Variants in RBFOX1 observed in about 807,000 individuals in gnomAD.
The protein encoded by RBFOX1 is RNA binding protein fox-1 homolog 1.
RBFOX1 carries 8 observed loss-of-function variants against 57.7 expected under a neutral mutation model. That is an observed-to-expected ratio of 0.14 (90% CI 0.08 to 0.25). The LOEUF is 0.25. RBFOX1 is among the 10% of genes least tolerant of loss of function. The pLI is 1.00. For synonymous variants in RBFOX1, 326 were observed against 222.4 expected (o/e 1.47, Z -4.15); for missense variants, 611 against 548.5 (o/e 1.11, Z -1.14).
chr16:5,543,630 G>A (rs1319139081), intron 2 of RBFOX1, among the ~76,000 whole-genome samples: 1 of 152,150 alleles, frequency 6.6e-6, no homozygotes, highest in African/African-American at 2.4e-5. Context: ...TTTACAGATA[G>A]TGGCTTAAAA....
chr16:7,357,041 A>G (rs905710712), intron 4 of RBFOX1, among the ~76,000 whole-genome samples: 2 of 152,298 alleles, frequency 1.3e-5, no homozygotes, highest in Middle Eastern at 3.4e-3. Flanking sequence ...TCAGGAATCC[A>G]GGGATCTATC....
At chr16:7,200,294 G>C (rs1304061511) in intron 4 of RBFOX1, among the ~76,000 whole-genome samples, 1 of 152,182 alleles carries the variant, frequency 6.6e-6, no homozygotes, top group Non-Finnish European at 1.5e-5. Flanking sequence ...GAGTGGAGTG[G>C]AGAAGTGAAT....
At chr16:7,321,202 T>C (rs770390875) in intron 4 of RBFOX1, among the ~76,000 whole-genome samples, 11 of 152,086 alleles carry the variant, frequency 7.2e-5, no homozygotes, top group Admixed American at 7.2e-4. Flanking sequence ...TGGAGTGCAG[T>C]GGTGCGATCT....
chr16:7,125,288 T>G (rs559434283), intron 4 of RBFOX1, among the ~76,000 whole-genome samples: 1 of 152,196 alleles, frequency 6.6e-6, no homozygotes, highest in South Asian at 2.1e-4. Context: ...GCATCCTCAT[T>G]TGTGCAGTGG....
chr16:7,588,316 G>T (rs2094239845), intron 7 of RBFOX1, among the ~76,000 whole-genome samples: 2 of 152,244 alleles, frequency 1.3e-5, no homozygotes, highest in Admixed American at 6.5e-5. Context: ...GAACTGATTA[G>T]AAATGCAAGT....
At chr16:7,217,265 C>T (rs986669145) in intron 4 of RBFOX1, among the ~76,000 whole-genome samples, 4 of 122,690 alleles carry the variant, frequency 3.3e-5, no homozygotes, top group South Asian at 2.9e-4. Flanking sequence ...CCACAGCTGG[C>T]TAATTATCTT....
At chr16:6,863,560 A>G (rs2059375453) in intron 3 of RBFOX1, among the ~76,000 whole-genome samples, 1 of 151,824 alleles carries the variant, frequency 6.6e-6, no homozygotes, top group African/African-American at 2.4e-5. Flanking sequence ...AGATAAATGT[A>G]AATAACATTA....
intron 4 of RBFOX1, among the ~76,000 whole-genome samples, chr16:5,905,803 A>C (rs1039787854): frequency 6.6e-6 from 1 of 152,198 alleles, no homozygotes; most frequent in Non-Finnish European, 1.5e-5. Context: ...CTGAAGGGTG[A>C]GAAAACTGAT....
At chr16:6,212,632 G>C (rs536044756) in intron 1 of RBFOX1, among the ~76,000 whole-genome samples, 2 of 152,090 alleles carry the variant, frequency 1.3e-5, no homozygotes, top group African/African-American at 4.8e-5. Flanking sequence ...GCGTGAACCC[G>C]GGAGGTGGAG....
intron 3 of RBFOX1, among the ~76,000 whole-genome samples, chr16:6,824,861 T>A (rs917111346): frequency 1.3e-5 from 2 of 151,922 alleles, no homozygotes; most frequent in African/African-American, 4.8e-5. Flanking sequence ...TATTAACATT[T>A]CAAAAGTGAA....
Position 7,027,115 on chromosome 16 carries a change from C to T in RBFOX1, c.-15-24942C>T, listed in dbSNP as rs79285446. On this transcript the variant is annotated intron_variant, in intron 3 of 15. Transcript: ENST00000550418. Reference sequence around the variant, plus strand: ...CTTTCCTGAACCCGTCTCTCCTAAACGCTTTCTATGCCTTAGAGTGCTAAG... The same window carrying T: ...CTTTCCTGAACCCGTCTCTCCTAAATGCTTTCTATGCCTTAGAGTGCTAAG... 8.6e-3 allele frequency among the ~76,000 whole-genome samples: 1,312 copies of T among 152,284 alleles called. 24 individuals are homozygous for T. The highest frequency in any genetic ancestry group is 0.03 in the African/African-American group (1,240 of 41,580).
chr16:5,785,233 T>C (rs904210916), intron 3 of RBFOX1, among the ~76,000 whole-genome samples: 3 of 152,172 alleles, frequency 2.0e-5, no homozygotes, highest in Non-Finnish European at 4.4e-5. Context: ...ACTACCTCAG[T>C]GGGATTGCAG....
At chr16:7,086,596 G>C (rs1007968468) in intron 4 of RBFOX1, among the ~76,000 whole-genome samples, 1 of 152,106 alleles carries the variant, frequency 6.6e-6, no homozygotes, top group Non-Finnish European at 1.5e-5. Context: ...ATACTTTCAG[G>C]AAATCTTAGC....
chr16:5,773,565 A>C (rs1255132464), intron 3 of RBFOX1, among the ~76,000 whole-genome samples: 2 of 152,164 alleles, frequency 1.3e-5, no homozygotes, highest in African/African-American at 4.8e-5. Context: ...GGATGTTTTC[A>C]GTTTATTTTT....
rs1039047384 is a variant in RBFOX1, at chr16:5,745,765, C to A, written c.319-121538C>A. On this transcript the variant is annotated intron_variant, in intron 3 of 19. Transcript: ENST00000641259. ...CTTTTGAGAAGTGTCTGTTCATATC[C>A]TTCACCCACTTTTTGATGGGGTTGT... Among the ~76,000 whole-genome samples, 32 of 152,156 alleles carry A rather than the reference C, an allele frequency of 2.1e-4. 1 individual carries two copies. Among genetic ancestry groups the A allele is most frequent in the Non-Finnish European group, 1.6e-4 (11 of 68,040 alleles).
intron 11 of RBFOX1, among the ~76,000 whole-genome samples, chr16:7,642,684 T>C (rs528763861): frequency 6.6e-6 from 1 of 152,156 alleles, no homozygotes; most frequent in Non-Finnish European, 1.5e-5. Context: ...TATAAATTAT[T>C]TGGGTTTTTT....
chr16:5,407,215 A>G (rs2066891380), intron 1 of RBFOX1, among the ~76,000 whole-genome samples: 1 of 152,180 alleles, frequency 6.6e-6, no homozygotes, highest in Non-Finnish European at 1.5e-5. Context: ...ACTCAGTATC[A>G]TGAGAACAGC....
At chr16:7,189,447 A>AAT (rs2152601347) in intron 4 of RBFOX1, among the ~76,000 whole-genome samples, 1 of 142,254 alleles carries the variant, frequency 7.0e-6, no homozygotes, top group East Asian at 2.1e-4. Flanking sequence ...AAAAAAAAAA[A>AAT]AGGAATCCTC....
chr16:6,535,972 A>G (rs1013835502), intron 2 of RBFOX1, among the ~76,000 whole-genome samples: 2 of 152,182 alleles, frequency 1.3e-5, no homozygotes, highest in Non-Finnish European at 2.9e-5. Context: ...TTTAGTTTCT[A>G]TCCAACGACT....
Sources: gnomAD v4.1 joint callset for allele counts (sites outside exome capture counted in the v4.1 genomes callset) on GRCh38, gnomAD v4.1.1 for gene constraint, MANE v1.5 for transcripts, NCBI Gene and HGNC (gene_info 2026-07-23, HGNC 2026-07-21) for gene names.